CCDC178: variants seen among roughly 807,000 people sequenced by gnomAD.
The protein encoded by CCDC178 is coiled-coil domain containing 178.
Under a neutral mutation model 117.4 loss-of-function variants are expected in CCDC178, and 126 were observed. The observed-to-expected ratio is 1.07, with a 90% CI of 0.93 to 1.24. CCDC178 has a LOEUF of 1.24. Among genes scored for constraint, CCDC178 ranks in the 50% most tolerant of loss-of-function variants. The pLI is 0.00. For missense variants in CCDC178, 1,030 were observed against 986.9 expected, an observed-to-expected ratio of 1.04 and a Z score of -0.59; for synonymous variants, 283 against 313.4, an observed-to-expected ratio of 0.90 and a Z score of 1.02.
intron 22 of CCDC178, among the ~76,000 whole-genome samples, chr18:32,943,193 G>A (rs1399578440): frequency 2.0e-5 from 3 of 152,128 alleles, no homozygotes; most frequent in Non-Finnish European, 2.9e-5. Flanking sequence ...AAATGATGGA[G>A]AGAAAGTGAT....
intron 6 of CCDC178, among the ~76,000 whole-genome samples, chr18:33,364,797 C>CA (rs1346080946): frequency 8.6e-6 from 1 of 116,888 alleles, no homozygotes; most frequent in Non-Finnish European, 1.7e-5. Context: ...GAGGTTTGAA[C>CA]AAAAAAACAT....
chr18:33,313,639 T>C (rs527388120), intron 11 of CCDC178, among the ~76,000 whole-genome samples: 1 of 152,294 alleles, frequency 6.6e-6, no homozygotes, highest in East Asian at 1.9e-4. Flanking sequence ...GGGATCTTCA[T>C]GGAGCTACAA....
At chr18:33,042,751 CA>C (rs139715605) in intron 21 of CCDC178, among the ~76,000 whole-genome samples, 1 of 151,786 alleles carries the variant, frequency 6.6e-6, no homozygotes, top group Non-Finnish European at 1.5e-5. Context: ...AATGGTTCAG[CA>C]AAAACTAGCT....
At position 33,217,244 on chromosome 18, in the gene CCDC178, C is replaced by T. The variant is rs16964444; in HGVS notation, c.1933-1549G>A. Reference sequence around the variant, plus strand: ...TCTGTAAGTGGTATTTGTAGAGAGACTCATAAAGTATCTTGACTGATTCTT... The same window carrying T: ...TCTGTAAGTGGTATTTGTAGAGAGATTCATAAAGTATCTTGACTGATTCTT... On this transcript the variant is annotated intron_variant, in intron 18 of 22. Transcript: ENST00000383096. Among the ~76,000 whole-genome samples, 1,193 of 152,044 alleles carry T rather than the reference C, an allele frequency of 7.8e-3. 13 individuals are homozygous for T. Among genetic ancestry groups the T allele is most frequent in the African/African-American group, 0.027 (1,113 of 41,514 alleles).
intron 20 of CCDC178, among the ~76,000 whole-genome samples, chr18:33,167,706 A>T (rs2058549974): frequency 6.6e-6 from 1 of 151,854 alleles, no homozygotes; most frequent in Admixed American, 6.6e-5. Flanking sequence ...TCTACTAAAA[A>T]TACAAAAAAA....
At chr18:33,250,171 A>G (rs2059603678) in intron 14 of CCDC178, among the ~76,000 whole-genome samples, 1 of 151,844 alleles carries the variant, frequency 6.6e-6, no homozygotes, top group Non-Finnish European at 1.5e-5. Context: ...GTCAACAAAT[A>G]TATGTATTGA....
At chr18:33,177,664 T>C (rs756160494) in intron 20 of CCDC178, among the ~76,000 whole-genome samples, 9 of 152,246 alleles carry the variant, frequency 5.9e-5, no homozygotes, top group Non-Finnish European at 1.3e-4. Context: ...ACACAATCTA[T>C]GCTTTTGAAA....
At chr18:33,284,502 T>A (rs1471060178) in intron 12 of CCDC178, among the ~76,000 whole-genome samples, 1 of 152,196 alleles carries the variant, frequency 6.6e-6, no homozygotes, top group Non-Finnish European at 1.5e-5. Context: ...TGTATGCATA[T>A]GATAATATCA....
intron 20 of CCDC178, among the ~76,000 whole-genome samples, chr18:33,196,523 G>C (rs2058931827): frequency 6.6e-6 from 1 of 152,066 alleles, no homozygotes; most frequent in African/African-American, 2.4e-5. Flanking sequence ...TGAACCTCAG[G>C]GTACTTGTGG....
At position 33,333,035 on chromosome 18, in the gene CCDC178, T is replaced by C. The variant is rs2062690006; in HGVS notation, c.879+139A>G. On this transcript the variant is annotated intron_variant, in intron 10 of 22. Coordinates refer to ENST00000383096, the MANE Select transcript of CCDC178 (RefSeq NM_001105528.4). ...AGTTAAAATGAATACCAACAGTTGG[T>C]AATGTGTAGAGATAAAGAGCAGGTC... 3 of 495,650 alleles carry C rather than the reference T, an allele frequency of 6.1e-6. No individual in the cohort carries two copies. The African/African-American group carries it at 6.1e-5, about 10-fold the overall frequency. The allele number at this position is 495,650 out of a possible 1,614,324, so 30.7% of individuals were successfully genotyped here.
At chr18:33,039,709 T>C (rs2056511282) in intron 21 of CCDC178, among the ~76,000 whole-genome samples, 1 of 151,968 alleles carries the variant, frequency 6.6e-6, no homozygotes, top group South Asian at 2.1e-4. Flanking sequence ...GGACCTTAGA[T>C]GCATCTCTTG....
intron 11 of CCDC178, among the ~76,000 whole-genome samples, chr18:33,314,712 C>A (rs1419449666): frequency 1.3e-5 from 2 of 152,164 alleles, no homozygotes. Flanking sequence ...TACTTAAAAC[C>A]TGCAGATGGG....
chr18:33,317,575 C>A (rs1443906849), intron 11 of CCDC178, among the ~76,000 whole-genome samples: 1 of 152,146 alleles, frequency 6.6e-6, no homozygotes, highest in Non-Finnish European at 1.5e-5. Flanking sequence ...ACCTTGAATT[C>A]TTTCTTGCAC....
intron 22 of CCDC178, among the ~76,000 whole-genome samples, chr18:32,940,309 TTAAA>T (rs1447442247): frequency 6.6e-6 from 1 of 152,050 alleles, no homozygotes; most frequent in East Asian, 1.9e-4. Flanking sequence ...TAGTCATATA[TTAAA>T]ATATATCTTT....
At position 33,346,364 on chromosome 18, in the gene CCDC178, C is replaced by T. The variant is rs2062893559; in HGVS notation, c.505G>A (p.Glu169Lys). 6.2e-7 allele frequency: 1 copy of T among 1,613,714 alleles called. No homozygotes were observed. Among genetic ancestry groups the T allele is most frequent in the Admixed American group, 1.7e-5 (1 of 60,004 alleles). The change falls in exon 9 of 23, where the codon GAG becomes AAG. Residue 169 changes from glutamate to lysine, a missense_variant. Glu to Lys is a moderately conservative substitution (Grantham distance 56). Coordinates refer to ENST00000383096, the MANE Select transcript of CCDC178 (RefSeq NM_001105528.4). ...LKQEMETLLSEAIRLIKSLET... is the reference protein window; with the variant it reads ...LKQEMETLLSKAIRLIKSLET... Reference sequence around the variant, plus strand: ...AGACTTTTAATGAGACGAATGGCCTCTGAGAGCAATGTTTCCATTTCCTGC... The same window carrying T: ...AGACTTTTAATGAGACGAATGGCCTTTGAGAGCAATGTTTCCATTTCCTGC...
chr18:33,290,742 C>G (rs1219841759), intron 12 of CCDC178, among the ~76,000 whole-genome samples: 1 of 151,966 alleles, frequency 6.6e-6, no homozygotes, highest in Non-Finnish European at 1.5e-5. Context: ...ATGGAGTGTT[C>G]AGGTGAAGAT....
intron 22 of CCDC178, among the ~76,000 whole-genome samples, chr18:32,959,648 T>C (rs941553603): frequency 2.0e-5 from 3 of 152,100 alleles, no homozygotes; most frequent in African/African-American, 7.2e-5. Context: ...TTTATGATCT[T>C]GATACTTTTG....
At chr18:33,375,937 A>G (rs1423145427) in intron 5 of CCDC178, among the ~76,000 whole-genome samples, 1 of 152,172 alleles carries the variant, frequency 6.6e-6, no homozygotes, top group Non-Finnish European at 1.5e-5. Context: ...AACAGGAGTG[A>G]AAGTTTTATT....
chr18:33,437,817 T>C (rs2064312342), intron 2 of CCDC178: 1 of 152,152 alleles, frequency 6.6e-6, no homozygotes, highest in Admixed American at 6.5e-5. Context: ...CGCAGTGTTA[T>C]TGTGAGGGTT....
Sources: gnomAD v4.1 joint callset for allele counts (sites outside exome capture counted in the v4.1 genomes callset) on GRCh38, gnomAD v4.1.1 for gene constraint, MANE v1.5 for transcripts, NCBI Gene and HGNC (gene_info 2026-07-23, HGNC 2026-07-21) for gene names.